RGS6: variants seen among roughly 807,000 people sequenced by gnomAD.
RGS6 encodes the protein regulator of G protein signaling 6, also known as regulator of G-protein signaling 6.
Under a neutral mutation model 78.5 loss-of-function variants are expected in RGS6, and 30 were observed. The observed-to-expected ratio is 0.38, with a 90% CI of 0.29 to 0.52. The LOEUF is 0.52. Among genes scored for constraint, RGS6 ranks in the 20% least tolerant of loss-of-function variants. RGS6 has a pLI of 0.85. For missense variants in RGS6, 495 were observed against 609.7 expected, an observed-to-expected ratio of 0.81 and a Z score of 1.98; for synonymous variants, 206 against 206.0, an observed-to-expected ratio of 1.00 and a Z score of 0.00.
At chr14:72,204,620 C>T (rs2042307723) in intron 2 of RGS6, among the ~76,000 whole-genome samples, 1 of 152,186 alleles carries the variant, frequency 6.6e-6, no homozygotes, top group Admixed American at 6.5e-5. Context: ...GGCCTGCATC[C>T]TCACAGGTGG....
chr14:72,201,814 T>C (rs1386286277), intron 2 of RGS6, among the ~76,000 whole-genome samples: 1 of 152,208 alleles, frequency 6.6e-6, no homozygotes, highest in Non-Finnish European at 1.5e-5. Flanking sequence ...GTCTATCATC[T>C]GTGGCTGCTT....
chr14:72,493,419 T>C (rs1040761247), intron 12 of RGS6, among the ~76,000 whole-genome samples: 4 of 151,510 alleles, frequency 2.6e-5, no homozygotes, highest in African/African-American at 9.7e-5. Context: ...AAATAAATAG[T>C]TAAAAGAGAG....
chr14:72,357,361 TG>T (rs1281926808), intron 3 of RGS6, among the ~76,000 whole-genome samples: 3 of 151,706 alleles, frequency 2.0e-5, no homozygotes, highest in African/African-American at 7.3e-5. Flanking sequence ...GACAAGAATA[TG>T]GGGGAAAGTT....
intron 16 of RGS6, among the ~76,000 whole-genome samples, chr14:72,536,950 C>T (rs186526564): frequency 2.0e-5 from 3 of 152,200 alleles, no homozygotes; most frequent in Non-Finnish European, 1.5e-5. Context: ...TGCAGGGGCC[C>T]TCAGCATGCA....
chr14:72,549,869 C>CA (rs1005363483), intron 17 of RGS6, among the ~76,000 whole-genome samples: 14 of 152,122 alleles, frequency 9.2e-5, no homozygotes, highest in Admixed American at 2.6e-4. Context: ...CCCCATCCCA[C>CA]AAAAAACCCC....
At chr14:71,971,487 C>G (rs2093802429) in intron 2 of RGS6, among the ~76,000 whole-genome samples, 1 of 151,976 alleles carries the variant, frequency 6.6e-6, no homozygotes, top group African/African-American at 2.4e-5. Flanking sequence ...GACTACTTTC[C>G]TCTTCTGGGT....
chr14:71,890,337 T>A, the RGS6 span, among the ~76,000 whole-genome samples: 2 of 141,696 alleles, frequency 1.4e-5, no homozygotes, highest in East Asian at 4.0e-4. Flanking sequence ...TAGTTTGCTG[T>A]GTGTGTGCGT....
chr14:72,478,999 G>A (rs1231838475), intron 12 of RGS6, among the ~76,000 whole-genome samples: 1 of 152,142 alleles, frequency 6.6e-6, no homozygotes, highest in Non-Finnish European at 1.5e-5. Flanking sequence ...ATCTAACCAG[G>A]CAGCTCAGTA....
chr14:72,219,622 C>G (rs1439606377), intron 2 of RGS6, among the ~76,000 whole-genome samples: 1 of 151,942 alleles, frequency 6.6e-6, no homozygotes, highest in Non-Finnish European at 1.5e-5. Flanking sequence ...GATATCAATA[C>G]TTTGTTATAT....
At chr14:72,070,881 G>A (rs2094384637) in intron 2 of RGS6, among the ~76,000 whole-genome samples, 6 of 152,186 alleles carry the variant, frequency 3.9e-5, no homozygotes, top group Admixed American at 3.9e-4. Context: ...TATATGTTAT[G>A]TATACATATG....
Position 72,331,087 on chromosome 14 carries a change from C to T in RGS6, c.85-21008C>T, listed in dbSNP as rs536173756. Among the ~76,000 whole-genome samples the T allele has an allele frequency of 6.4e-4, 97 of 152,204 alleles. 1 individual carries two copies. Among genetic ancestry groups the T allele is most frequent in the African/African-American group, 2.0e-3 (83 of 41,524 alleles). Reference sequence around the variant, plus strand: ...GGGATGTGACTAAGGCAGCAGATTCCGCCAGGATTCTGTTAGACACAGAGG... The same window carrying T: ...GGGATGTGACTAAGGCAGCAGATTCTGCCAGGATTCTGTTAGACACAGAGG... On this transcript the variant is annotated intron_variant, in intron 2 of 17. Coordinates refer to ENST00000553525, the MANE Select transcript of RGS6 (RefSeq NM_001204424.2).
intron 1 of RGS6, chr14:71,933,231 A>T (rs966555558): frequency 6.6e-6 from 1 of 152,366 alleles, no homozygotes; most frequent in South Asian, 2.1e-4. Context: ...TGTGAAGCGC[A>T]CACCGACGGG....
Position 72,454,452 on chromosome 14 carries a change from T to G in RGS6, c.185-76T>G, listed in dbSNP as rs771393247. On this transcript the variant is annotated intron_variant, in intron 3 of 17. Coordinates refer to ENST00000553525, the MANE Select transcript of RGS6 (RefSeq NM_001204424.2). ...TGGACTGTTTGGAATTAGGATTCTCTTAGGTAAACATGTTTCTTCTGCCAC... is the reference window on the plus strand; with the variant it reads ...TGGACTGTTTGGAATTAGGATTCTCGTAGGTAAACATGTTTCTTCTGCCAC... 6.3e-6 allele frequency: 9 copies of G among 1,433,552 alleles called. No individual in the cohort carries two copies. In the South Asian group the frequency reaches 1.0e-4, roughly 16 times the overall value. The allele number at this position is 1,433,552 out of a possible 1,614,324, so 88.8% of individuals were successfully genotyped here. A position where few individuals can be genotyped will look rare whatever the true frequency, so the allele number is the denominator to read the frequency against.
At chr14:71,979,794 G>A (rs1196390895) in intron 2 of RGS6, among the ~76,000 whole-genome samples, 8 of 152,210 alleles carry the variant, frequency 5.3e-5, no homozygotes, top group African/African-American at 7.2e-5. Flanking sequence ...GTGCAGAGCT[G>A]AGTTCAATTC....
chr14:72,165,113 G>T lies in RGS6; in HGVS notation c.85-186982G>T, dbSNP rs559997798. The stretch of plus-strand genomic sequence containing the variant: ...ATTCCAAGAAAGAGCCAGGAACCCT[G>T]CTAGGAATAGAGAAGCAAAGAATCC... On this transcript the variant is annotated intron_variant, in intron 2 of 17. Coordinates refer to ENST00000553525, the MANE Select transcript of RGS6 (RefSeq NM_001204424.2). Among the ~76,000 whole-genome samples, 19 of 152,304 alleles carry T rather than the reference G, an allele frequency of 1.2e-4. No homozygotes were observed. The South Asian group carries it at 1.4e-3, about 12-fold the overall frequency.
chr14:72,114,941 G>A (rs1217870429), intron 2 of RGS6, among the ~76,000 whole-genome samples: 3 of 152,158 alleles, frequency 2.0e-5, no homozygotes, highest in Admixed American at 6.5e-5. Context: ...CAAGAAAAAC[G>A]GCACATCCAG....
the RGS6 span, among the ~76,000 whole-genome samples, chr14:72,620,220 A>G: frequency 7.9e-5 from 12 of 152,240 alleles, no homozygotes; most frequent in African/African-American, 2.2e-4. Context: ...GGTTCTGCTC[A>G]ACTCGTACCT....
intron 2 of RGS6, among the ~76,000 whole-genome samples, chr14:72,182,365 G>T (rs1051523472): frequency 1.3e-5 from 2 of 149,796 alleles, no homozygotes; most frequent in African/African-American, 4.9e-5. Context: ...GCTTGAACCC[G>T]GGAGGCGGAG....
chr14:72,189,419 AAATG>A (rs1398349402), intron 2 of RGS6, among the ~76,000 whole-genome samples: 4 of 152,236 alleles, frequency 2.6e-5, no homozygotes, highest in African/African-American at 9.6e-5. Flanking sequence ...ATAATTGTAT[AAATG>A]AATATATAAT....
Sources: gnomAD v4.1 joint callset for allele counts (sites outside exome capture counted in the v4.1 genomes callset) on GRCh38, gnomAD v4.1.1 for gene constraint, MANE v1.5 for transcripts, NCBI Gene and HGNC (gene_info 2026-07-23, HGNC 2026-07-21) for gene names.